The following NEGR1 variants were observed in gnomAD, a reference collection of about 807,000 sequenced individuals.
NEGR1 encodes the protein neuronal growth regulator 1, also known as IgLON family member 4.
NEGR1 carries 10 observed loss-of-function variants against 40.9 expected under a neutral mutation model. The ratio of observed to expected loss-of-function variants is 0.24; its 90% CI spans 0.15 to 0.42. The LOEUF (loss-of-function observed/expected upper bound fraction) is 0.42. Among genes scored for constraint, NEGR1 ranks in the 10% least tolerant of loss-of-function variants. The probability of loss-of-function intolerance (pLI) is 1.00; values close to 1 mark genes in which losing one functional copy is unlikely to be tolerated. For synonymous variants in NEGR1, 185 were observed against 166.8 expected, an observed-to-expected ratio of 1.11 and a Z score of -0.84; for missense variants, 352 against 438.9, an observed-to-expected ratio of 0.80 and a Z score of 1.77.
At chr1:71,844,095 G>A (rs1351354666) in intron 2 of NEGR1, among the ~76,000 whole-genome samples, 1 of 152,126 alleles carries the variant, frequency 6.6e-6, no homozygotes, top group South Asian at 2.1e-4. Context: ...AATAAAATTA[G>A]GTTAAGGGGA....
chr1:71,721,212 T>C (rs574714547), intron 3 of NEGR1, among the ~76,000 whole-genome samples: 1 of 152,148 alleles, frequency 6.6e-6, no homozygotes, highest in African/African-American at 2.4e-5. Flanking sequence ...ATTTTTTTCT[T>C]TGAAAACTTA....
At chr1:71,556,614 T>G (rs575146794) in intron 6 of NEGR1, among the ~76,000 whole-genome samples, 1 of 149,992 alleles carries the variant, frequency 6.7e-6, no homozygotes, top group Non-Finnish European at 1.5e-5. Context: ...AAATGGGTTT[T>G]TATCTATTTT....
intron 1 of NEGR1, among the ~76,000 whole-genome samples, chr1:72,266,656 T>C (rs1278461801): frequency 6.6e-6 from 1 of 150,710 alleles, no homozygotes; most frequent in Non-Finnish European, 1.5e-5. Flanking sequence ...CAAATGTGTG[T>C]ATGTATATAC....
intron 1 of NEGR1, among the ~76,000 whole-genome samples, chr1:71,982,839 A>T (rs1407113367): frequency 6.6e-6 from 1 of 152,180 alleles, no homozygotes; most frequent in South Asian, 2.1e-4. Context: ...CTCTATTTCG[A>T]AGAGGAGAAA....
chr1:72,181,211 C>A (rs1266205226), intron 1 of NEGR1, among the ~76,000 whole-genome samples: 1 of 152,130 alleles, frequency 6.6e-6, no homozygotes, highest in Non-Finnish European at 1.5e-5. Flanking sequence ...ACAGTTGCAA[C>A]AACATGGGGC....
intron 6 of NEGR1, among the ~76,000 whole-genome samples, chr1:71,572,761 T>C (rs945056638): frequency 1.2e-4 from 18 of 152,364 alleles, no homozygotes; most frequent in African/African-American, 4.1e-4. Flanking sequence ...AATAAATGCC[T>C]GATTTCACAT....
chr1:71,884,401 A>T (rs1660667643), intron 2 of NEGR1, among the ~76,000 whole-genome samples: 1 of 152,126 alleles, frequency 6.6e-6, no homozygotes, highest in South Asian at 2.1e-4. Flanking sequence ...CTTAATTATC[A>T]CTGTACATGT....
At chr1:71,980,016 G>A (rs908174358) in intron 1 of NEGR1, among the ~76,000 whole-genome samples, 1 of 152,102 alleles carries the variant, frequency 6.6e-6, no homozygotes, top group Non-Finnish European at 1.5e-5. Context: ...GTAAAAGTGA[G>A]TACTGCAACT....
At chr1:71,974,258 A>G (rs1331303684) in intron 1 of NEGR1, among the ~76,000 whole-genome samples, 1 of 152,206 alleles carries the variant, frequency 6.6e-6, no homozygotes. Flanking sequence ...ATTCAAAGTA[A>G]GCTTGAGAGT....
At chr1:71,585,927 G>A (rs1434518294) in intron 6 of NEGR1, among the ~76,000 whole-genome samples, 1 of 151,998 alleles carries the variant, frequency 6.6e-6, no homozygotes, top group Non-Finnish European at 1.5e-5. Context: ...AATTATACAT[G>A]AGAAGGACAG....
At chr1:71,947,958 C>T (rs2100265987) in intron 1 of NEGR1, among the ~76,000 whole-genome samples, 1 of 152,198 alleles carries the variant, frequency 6.6e-6, no homozygotes, top group Middle Eastern at 3.4e-3. Context: ...TCTAATCTTC[C>T]CTTTCTATCT....
chr1:71,864,309 G>C, intron 2 of NEGR1, among the ~76,000 whole-genome samples: 1 of 152,138 alleles, frequency 6.6e-6, no homozygotes, highest in Non-Finnish European at 1.5e-5. Flanking sequence ...TGTAAGGAAG[G>C]TTTGTCCTGC....
chr1:71,767,043 C>T (rs953623720), intron 3 of NEGR1, among the ~76,000 whole-genome samples: 2 of 152,160 alleles, frequency 1.3e-5, no homozygotes, highest in Non-Finnish European at 2.9e-5. Flanking sequence ...GTAAATTATG[C>T]AGTCTCGGGT....
chr1:72,123,517 T>A (rs547576348), intron 1 of NEGR1, among the ~76,000 whole-genome samples: 2 of 151,866 alleles, frequency 1.3e-5, no homozygotes, highest in Admixed American at 1.3e-4. Flanking sequence ...TTTGCCTTTA[T>A]GGCAAATGGA....
chr1:71,924,272 A>G (rs973773673), intron 2 of NEGR1, among the ~76,000 whole-genome samples: 2 of 152,176 alleles, frequency 1.3e-5, no homozygotes, highest in African/African-American at 4.8e-5. Context: ...GGTCTACCAC[A>G]AGGGGTAATG....
chr1:71,942,076 T>G (rs902684107), intron 1 of NEGR1, among the ~76,000 whole-genome samples: 1 of 151,094 alleles, frequency 6.6e-6, no homozygotes, highest in African/African-American at 2.4e-5. Flanking sequence ...TTACTTCTTG[T>G]GTAATAGCAA....
chr1:71,961,922 T>C (rs1036484817), intron 1 of NEGR1, among the ~76,000 whole-genome samples: 2 of 152,070 alleles, frequency 1.3e-5, no homozygotes, highest in African/African-American at 4.8e-5. Flanking sequence ...TTTTCCCTTT[T>C]AAAACTAATA....
At chr1:71,983,958 A>T (rs1646375060) in intron 1 of NEGR1, among the ~76,000 whole-genome samples, 1 of 117,700 alleles carries the variant, frequency 8.5e-6, no homozygotes, top group East Asian at 5.8e-4. Flanking sequence ...CCAGTCATAG[A>T]ATCAGAATGC....
intron 6 of NEGR1, among the ~76,000 whole-genome samples, chr1:71,477,943 A>C (rs1174175886): frequency 6.6e-6 from 1 of 151,728 alleles, no homozygotes; most frequent in Non-Finnish European, 1.5e-5. Context: ...AGCCTGAGGG[A>C]ATGAGGAATA....
Sources: allele counts gnomAD v4.1 joint callset (sites outside exome capture counted in the v4.1 genomes callset), GRCh38; gene constraint gnomAD v4.1.1; transcripts MANE v1.5; gene names NCBI Gene and HGNC (gene_info 2026-07-23, HGNC 2026-07-21).